Variants in PRKN observed in about 807,000 individuals in gnomAD.
PRKN encodes parkin RBR E3 ubiquitin protein ligase.
PRKN carries 56 observed loss-of-function variants against 59.5 expected under a neutral mutation model. The ratio of observed to expected loss-of-function variants is 0.94; its 90% CI spans 0.76 to 1.18. The LOEUF is 1.18. PRKN is among the 50% of genes most tolerant of loss of function. The pLI is 0.00. For synonymous variants in PRKN, 250 were observed against 222.1 expected, an observed-to-expected ratio of 1.13 and a Z score of -1.12; for missense variants, 657 against 596.4, an observed-to-expected ratio of 1.10 and a Z score of -1.06.
intron 1 of PRKN, among the ~76,000 whole-genome samples, chr6:162,467,741 A>G (rs1462727940): frequency 6.6e-6 from 1 of 151,512 alleles, no homozygotes; most frequent in Admixed American, 6.6e-5. Context: ...TAAAATCTAC[A>G]CTCCTTACTG....
chr6:162,661,603 T>C (rs1200435241), intron 1 of PRKN, among the ~76,000 whole-genome samples: 1 of 152,218 alleles, frequency 6.6e-6, no homozygotes, highest in Non-Finnish European at 1.5e-5. Context: ...TTCTAAACTC[T>C]GCTCTCTAAC....
chr6:161,829,949 G>A (rs1190044079), intron 6 of PRKN, among the ~76,000 whole-genome samples: 1 of 151,814 alleles, frequency 6.6e-6, no homozygotes, highest in African/African-American at 2.4e-5. Context: ...TCTGCCTCTC[G>A]CCAAGTCCGT....
At chr6:161,851,857 C>G (rs182799108) in intron 6 of PRKN, among the ~76,000 whole-genome samples, 1 of 151,222 alleles carries the variant, frequency 6.6e-6, no homozygotes, top group Non-Finnish European at 1.5e-5. Flanking sequence ...GAGGCCGAGG[C>G]GGGCGGATCA....
chr6:162,355,504 A>G (rs1355846065), intron 2 of PRKN, among the ~76,000 whole-genome samples: 1 of 151,962 alleles, frequency 6.6e-6, no homozygotes, highest in East Asian at 1.9e-4. Flanking sequence ...ACCTCTAAAC[A>G]ATACATACTG....
intron 6 of PRKN, among the ~76,000 whole-genome samples, chr6:161,936,788 AT>A (rs72306983): frequency 0.37 from 51,230 of 138,926 alleles, 8,671 homozygotes; most frequent in Middle Eastern, 0.53. Context: ...TTTGTTTCAT[AT>A]TTTTTTTTTT....
intron 9 of PRKN, among the ~76,000 whole-genome samples, chr6:161,425,754 C>T (rs1788315331): frequency 6.6e-6 from 1 of 152,082 alleles, no homozygotes; most frequent in African/African-American, 2.4e-5. Context: ...TGAATTTGTC[C>T]AAATACTCAA....
At chr6:162,581,515 C>G (rs1256923415) in intron 1 of PRKN, among the ~76,000 whole-genome samples, 1 of 152,230 alleles carries the variant, frequency 6.6e-6, no homozygotes, top group Non-Finnish European at 1.5e-5. Context: ...AATCCCGGCA[C>G]TTTGGGAGGG....
intron 1 of PRKN, among the ~76,000 whole-genome samples, chr6:162,472,426 T>A (rs1291818523): frequency 7.1e-6 from 1 of 141,562 alleles, no homozygotes; most frequent in African/African-American, 2.6e-5. Context: ...AATTCCCACC[T>A]ATGAGTGAGA....
At position 162,179,595 on chromosome 6, in the gene PRKN, C is replaced by A. The variant is rs58047154; in HGVS notation, c.534+21536G>T. Among the ~76,000 whole-genome samples the A allele has an allele frequency of 5.8e-3, 881 of 151,928 alleles. 12 individuals carry two copies. Among genetic ancestry groups the A allele is most frequent in the African/African-American group, 0.021 (848 of 41,238 alleles). ...CATGAGGGGACTTTCTGGAAAAGGT[C>A]TAAAAGTCTGTCTAGAGGAGCGTAT... On this transcript the variant is annotated intron_variant, in intron 4 of 11. Coordinates refer to ENST00000366898, the MANE Select transcript of PRKN (RefSeq NM_004562.3).
chr6:161,916,509 T>C (rs549446916), intron 6 of PRKN, among the ~76,000 whole-genome samples: 1 of 152,314 alleles, frequency 6.6e-6, no homozygotes, highest in Non-Finnish European at 1.5e-5. Context: ...TTAGTGGAGA[T>C]GTGAACAGAA....
intron 5 of PRKN, among the ~76,000 whole-genome samples, chr6:161,977,639 C>T (rs1011230466): frequency 6.6e-5 from 10 of 150,866 alleles, no homozygotes; most frequent in East Asian, 2.0e-4. Flanking sequence ...CTCCACCTCC[C>T]GGGTTCACGC....
chr6:162,516,310 G>A (rs1319300185), intron 1 of PRKN, among the ~76,000 whole-genome samples: 1 of 152,162 alleles, frequency 6.6e-6, no homozygotes, highest in African/African-American at 2.4e-5. Flanking sequence ...GTGCCTTGCT[G>A]TGGCCCCAGA....
chr6:161,681,163 T>C (rs1785347887), intron 7 of PRKN, among the ~76,000 whole-genome samples: 1 of 152,194 alleles, frequency 6.6e-6, no homozygotes, highest in South Asian at 2.1e-4. Flanking sequence ...GTTTTTGCCA[T>C]GTTGGCCAGG....
In PRKN at chr6:162,092,327, G is replaced by A. The variant is rs902684860; in HGVS notation, c.535-38153C>T. ...TGATATTGCGTCATTGCGCTCCAGC[G>A]TGGGTGACAGAGTGAGTCTAATGAA... On this transcript the variant is annotated intron_variant, in intron 4 of 11. Transcript: ENST00000366898. Among the ~76,000 whole-genome samples, 3 of 152,078 alleles carry A rather than the reference G, an allele frequency of 2.0e-5. No homozygotes were observed. In the East Asian group the frequency reaches 5.8e-4, roughly 29 times the overall value.
At chr6:161,882,339 G>C (rs1305911653) in intron 6 of PRKN, among the ~76,000 whole-genome samples, 1 of 152,158 alleles carries the variant, frequency 6.6e-6, no homozygotes, top group Non-Finnish European at 1.5e-5. Context: ...CGGCATGGGG[G>C]CGGGGCGGGG....
intron 7 of PRKN, among the ~76,000 whole-genome samples, chr6:161,699,258 T>A (rs1786149842): frequency 6.6e-6 from 1 of 152,218 alleles, no homozygotes; most frequent in Non-Finnish European, 1.5e-5. Context: ...CCTGATTCAC[T>A]GCTAGTGGGA....
At chr6:162,629,365 A>G (rs1285876535) in intron 1 of PRKN, among the ~76,000 whole-genome samples, 2 of 152,080 alleles carry the variant, frequency 1.3e-5, no homozygotes, top group Non-Finnish European at 2.9e-5. Flanking sequence ...ACAAATCACT[A>G]CACAGGTTTT....
intron 7 of PRKN, among the ~76,000 whole-genome samples, chr6:161,638,299 A>C (rs931661385): frequency 2.0e-5 from 3 of 151,326 alleles, no homozygotes; most frequent in African/African-American, 7.4e-5. Context: ...TGCCAGGCTA[A>C]ATTTTTTTGT....
At chr6:162,011,497 A>C (rs1782711871) in intron 5 of PRKN, among the ~76,000 whole-genome samples, 1 of 37,960 alleles carries the variant, frequency 2.6e-5, no homozygotes, top group Non-Finnish European at 4.4e-5. Context: ...TATATATAAT[A>C]TATATTTATT....
Sources: gnomAD v4.1 joint callset for allele counts (sites outside exome capture counted in the v4.1 genomes callset) on GRCh38, gnomAD v4.1.1 for gene constraint, MANE v1.5 for transcripts, NCBI Gene and HGNC (gene_info 2026-07-23, HGNC 2026-07-21) for gene names.